The following TENM1 variants were observed in gnomAD, a reference collection of about 807,000 sequenced individuals.
The protein encoded by TENM1 is teneurin transmembrane protein 1, also known as teneurin-1.
TENM1 carries 35 observed loss-of-function variants against 174.8 expected under a neutral mutation model. The observed-to-expected ratio is 0.20, with a 90% CI of 0.15 to 0.27. The LOEUF (loss-of-function observed/expected upper bound fraction) is 0.27. TENM1 is among the 10% of genes least tolerant of loss of function. TENM1 has a pLI of 1.00. For synonymous variants in TENM1, 781 were observed against 798.7 expected (o/e 0.98, Z 0.37); for missense variants, 1,633 against 2,130.1 (o/e 0.77, Z 4.59).
intron 1 of TENM1, among the ~76,000 whole-genome samples, chrX:124,938,985 A>C (rs2058286135): frequency 1.8e-5 from 2 of 111,842 alleles, no homozygotes; most frequent in Non-Finnish European, 3.8e-5. Flanking sequence ...AATGTTTAAT[A>C]ATGGAAAAGA....
At chrX:125,063,322 A>G in the TENM1 span, among the ~76,000 whole-genome samples, 1 of 112,079 alleles carries the variant, frequency 8.9e-6, no homozygotes. Flanking sequence ...TTGTTATAAC[A>G]TGTGTGAACA....
At chrX:124,502,975 G>A (rs1397731912) in intron 19 of TENM1, among the ~76,000 whole-genome samples, 3 of 111,740 alleles carry the variant, frequency 2.7e-5, no homozygotes, top group African/African-American at 6.5e-5. Flanking sequence ...TTAACCACCT[G>A]TTCCACAAAG....
chrX:124,476,206 A>G (rs956491296), intron 22 of TENM1, among the ~76,000 whole-genome samples: 1 of 111,878 alleles, frequency 8.9e-6, no homozygotes, highest in African/African-American at 3.3e-5. Flanking sequence ...GTCACTGATT[A>G]TAGCCTTAGC....
chrX:124,800,707 GA>G (rs1478203717), intron 3 of TENM1, among the ~76,000 whole-genome samples: 6 of 111,419 alleles, frequency 5.4e-5, no homozygotes, highest in Non-Finnish European at 1.1e-4. Flanking sequence ...GTCAACTTGA[GA>G]TTTTTCTTTC....
the TENM1 span, among the ~76,000 whole-genome samples, chrX:125,139,256 G>A: frequency 9.0e-6 from 1 of 111,326 alleles, no homozygotes; most frequent in African/African-American, 3.3e-5. Flanking sequence ...TATGAAGTGA[G>A]AGAATGGGGG....
intron 3 of TENM1, among the ~76,000 whole-genome samples, chrX:124,762,182 T>C (rs1008146358): frequency 2.6e-4 from 29 of 112,151 alleles, no homozygotes; most frequent in African/African-American, 8.1e-4. Flanking sequence ...AATCCCATCA[T>C]GTGGGCCCTA....
At chrX:124,490,455 T>G in intron 20 of TENM1, among the ~76,000 whole-genome samples, 1 of 112,089 alleles carries the variant, frequency 8.9e-6, no homozygotes, top group Non-Finnish European at 1.9e-5. Context: ...CTCCTGCCTC[T>G]CAGCATTCTA....
At chrX:124,626,790 G>C (rs1335597982) in intron 11 of TENM1, among the ~76,000 whole-genome samples, 1 of 111,617 alleles carries the variant, frequency 9.0e-6, no homozygotes, top group Admixed American at 9.6e-5. Flanking sequence ...TTTAGAGGGA[G>C]ATGCAATAAC....
chrX:124,679,440 C>T (rs1322113434), intron 5 of TENM1, among the ~76,000 whole-genome samples: 1 of 111,620 alleles, frequency 9.0e-6, no homozygotes, highest in Non-Finnish European at 1.9e-5. Flanking sequence ...TTTCAACTAA[C>T]TCCCGTGGGA....
intron 21 of TENM1, among the ~76,000 whole-genome samples, chrX:124,485,554 A>G (rs2239474): frequency 0.4 from 44,520 of 110,600 alleles, 8,368 homozygotes; most frequent in African/African-American, 0.74. Flanking sequence ...TGGAGTTTCA[A>G]TTCAGTCAGA....
the TENM1 span, among the ~76,000 whole-genome samples, chrX:125,021,615 T>C: frequency 9.0e-6 from 1 of 110,656 alleles, no homozygotes; most frequent in African/African-American, 3.3e-5. Flanking sequence ...AGCCACAGAG[T>C]AAATGTTTTA....
the TENM1 span, among the ~76,000 whole-genome samples, chrX:125,112,453 A>G: frequency 9.9e-5 from 11 of 111,516 alleles, no homozygotes; most frequent in African/African-American, 3.6e-4. Context: ...ATAAGGCAAT[A>G]GTCAAACATA....
the TENM1 span, among the ~76,000 whole-genome samples, chrX:125,045,696 G>T: frequency 1.8e-5 from 2 of 111,684 alleles, no homozygotes; most frequent in Non-Finnish European, 3.8e-5. Context: ...GCCCATCATT[G>T]TGACTTCAGT....
intron 27 of TENM1, among the ~76,000 whole-genome samples, chrX:124,393,693 T>C (rs890040650): frequency 8.9e-6 from 1 of 112,029 alleles, no homozygotes; most frequent in African/African-American, 3.2e-5. Flanking sequence ...GTAGAGTTGC[T>C]GTGTACCCTT....
chrX:124,408,674 T>C (rs1259524679), intron 25 of TENM1, among the ~76,000 whole-genome samples: 6 of 110,982 alleles, frequency 5.4e-5, no homozygotes, highest in African/African-American at 9.8e-5. Flanking sequence ...TAAAACTTTT[T>C]TTTTATTATT....
chrX:125,160,343 G>C, the TENM1 span, among the ~76,000 whole-genome samples: 6 of 104,769 alleles, frequency 5.7e-5, no homozygotes, highest in Non-Finnish European at 1.2e-4. Context: ...GACCAACATG[G>C]TGAAACCCCA....
the TENM1 span, among the ~76,000 whole-genome samples, chrX:124,992,540 C>T: frequency 9.0e-6 from 1 of 111,162 alleles, no homozygotes; most frequent in Non-Finnish European, 1.9e-5. Flanking sequence ...AGCCATAAAA[C>T]CTAAATGTGT....
chrX:124,384,030 G>A, exon 30 of TENM1: 1 of 1,211,540 alleles, frequency 8.3e-7, no homozygotes, highest in Middle Eastern at 2.3e-4. Flanking sequence ...TCATAATACA[G>A]AGATGTAATC....
At chrX:124,873,159 T>C (rs1230169992) in intron 3 of TENM1, among the ~76,000 whole-genome samples, 1 of 110,805 alleles carries the variant, frequency 9.0e-6, no homozygotes, top group Non-Finnish European at 1.9e-5. Flanking sequence ...TCCTTTTATT[T>C]TGAAAAATTA....
Sources: gnomAD v4.1 joint callset for allele counts (sites outside exome capture counted in the v4.1 genomes callset) on GRCh38, gnomAD v4.1.1 for gene constraint, MANE v1.5 for transcripts, NCBI Gene and HGNC (gene_info 2026-07-23, HGNC 2026-07-21) for gene names.